The following ACVR2A variants were observed in gnomAD, a reference collection of about 807,000 sequenced individuals.
ACVR2A encodes the protein activin A receptor type 2A.
A neutral mutation model predicts 61.4 loss-of-function variants in ACVR2A; 7 were observed. That is an observed-to-expected ratio of 0.11 (90% CI 0.06 to 0.21). ACVR2A has a LOEUF of 0.21. Ranked by LOEUF, ACVR2A falls within the 10% of genes least tolerant of loss-of-function variation. The probability of loss-of-function intolerance (pLI) is 1.00; values close to 1 mark genes in which losing one functional copy is unlikely to be tolerated. For synonymous variants in ACVR2A, 193 were observed against 208.3 expected (o/e 0.93, Z 0.63); for missense variants, 322 against 621.7 (o/e 0.52, Z 5.13).
upstream of ACVR2A, chr2:147,844,875 G>GT (rs1685258596): frequency 2.7e-6 from 1 of 374,566 alleles, no homozygotes; most frequent in African/African-American, 2.1e-5. Context: ...CGCTTTTGTT[G>GT]TTGTTGGCTT....
intron 1 of ACVR2A, among the ~76,000 whole-genome samples, chr2:147,861,832 C>G (rs1685733655): frequency 6.6e-6 from 1 of 152,090 alleles, no homozygotes; most frequent in Admixed American, 6.6e-5. Context: ...AGGGGAATAA[C>G]TGAAATTTCT....
In ACVR2A at chr2:147,896,417, C is replaced by T; in HGVS notation, c.172C>T (p.Arg58Trp). 2 of 1,613,922 alleles carry T rather than the reference C, an allele frequency of 1.2e-6. No homozygotes were observed. Among genetic ancestry groups the T allele is most frequent in the South Asian group, 1.1e-5 (1 of 91,076 alleles). ...GTGTTATGGTGACAAAGATAAACGG[C>T]GGCATTGTTTTGCTACCTGGAAGAA... Reference protein sequence around the residue: ...EPCYGDKDKRRHCFATWKNIS... With the variant: ...EPCYGDKDKRWHCFATWKNIS... The change falls in exon 2 of 11, where the codon CGG becomes TGG. Residue 58 changes from arginine (R) to tryptophan (W), a missense_variant. Physicochemically the swap from Arg to Trp is moderately radical, Grantham distance 101. Around this residue, in one of 3 missense-constraint regions of ACVR2A, gnomAD observed 142 missense variants for 200.3 expected, o/e 0.71. Coordinates refer to ENST00000241416, the MANE Select transcript of ACVR2A (RefSeq NM_001616.5).
intron 1 of ACVR2A, among the ~76,000 whole-genome samples, chr2:147,869,038 T>A (rs1444775239): frequency 2.0e-5 from 3 of 152,216 alleles, no homozygotes; most frequent in Non-Finnish European, 1.5e-5. Flanking sequence ...GTATAAGTAC[T>A]TTCTGTCACT....
chr2:147,896,456 A>G lies in ACVR2A; in HGVS notation c.211A>G (p.Ile71Val), dbSNP rs1426593767. The change falls in exon 2 of 11, where the codon ATT (isoleucine) becomes GTT (valine). Residue 71 changes from isoleucine to valine, a missense_variant. Coordinates refer to ENST00000241416, the MANE Select transcript of ACVR2A (RefSeq NM_001616.5). ...TACCTGGAAGAATATTTCTGGTTCC[A>G]TTGAAATAGTGAAACAAGGTTGTTG... is the stretch of plus-strand genomic sequence containing the variant. ...FATWKNISGS[I>V]EIVKQGCWLD... 1 of 1,613,874 alleles carries G rather than the reference A, an allele frequency of 6.2e-7. No homozygotes were observed. Among genetic ancestry groups the G allele is most frequent in the Non-Finnish European group, 8.5e-7 (1 of 1,179,942 alleles).
At chr2:147,893,554 T>A (rs1686643699) in intron 1 of ACVR2A, among the ~76,000 whole-genome samples, 1 of 152,214 alleles carries the variant, frequency 6.6e-6, no homozygotes, top group East Asian at 1.9e-4. Context: ...TCCGTTTGTG[T>A]TTTTGTTTTG....
intron 1 of ACVR2A, among the ~76,000 whole-genome samples, chr2:147,891,160 C>T (rs1280377456): frequency 6.6e-6 from 1 of 152,102 alleles, no homozygotes; most frequent in East Asian, 1.9e-4. Flanking sequence ...GTATAGTGCC[C>T]TAGGCAGCCA....
intron 1 of ACVR2A, among the ~76,000 whole-genome samples, chr2:147,845,536 A>T (rs1042964128): frequency 5.9e-5 from 9 of 152,194 alleles, no homozygotes; most frequent in African/African-American, 2.2e-4. Flanking sequence ...CAAATACCAC[A>T]AGTGACAATT....
At chr2:147,910,294 G>A (rs1687083605) in intron 4 of ACVR2A, among the ~76,000 whole-genome samples, 1 of 151,986 alleles carries the variant, frequency 6.6e-6, no homozygotes, top group Non-Finnish European at 1.5e-5. Context: ...CTAGTATAGT[G>A]TCATCTTTAT....
At chr2:147,901,287 A>C (rs1686866739) in intron 4 of ACVR2A, among the ~76,000 whole-genome samples, 1 of 152,000 alleles carries the variant, frequency 6.6e-6, no homozygotes, top group Non-Finnish European at 1.5e-5. Flanking sequence ...AGTTTACCAG[A>C]TCTGTGATAT....
intron 1 of ACVR2A, among the ~76,000 whole-genome samples, chr2:147,853,276 C>G (rs953183000): frequency 1.3e-5 from 2 of 152,052 alleles, no homozygotes; most frequent in African/African-American, 2.4e-5. Flanking sequence ...AAGAGGCAGA[C>G]ACTGTATGAT....
chr2:147,845,351 C>CCCCCA (rs1186543486), intron 1 of ACVR2A, 144 bp downstream of exon 1: 4 of 413,294 alleles, frequency 9.7e-6, no homozygotes, highest in Non-Finnish European at 1.6e-5. Context: ...TGCCACCGCC[C>CCCCCA]CCCCCCCCCG....
chr2:147,862,901 A>G (rs748802980), intron 1 of ACVR2A, among the ~76,000 whole-genome samples: 1 of 152,190 alleles, frequency 6.6e-6, no homozygotes, highest in Non-Finnish European at 1.5e-5. Context: ...TAACAATAGT[A>G]TTGCTAATGA....
At chr2:147,869,059 A>G (rs1000143568) in intron 1 of ACVR2A, among the ~76,000 whole-genome samples, 3 of 152,052 alleles carry the variant, frequency 2.0e-5, no homozygotes, top group African/African-American at 7.2e-5. Context: ...GTTCTTTCAT[A>G]TCTTTAAAAG....
intron 1 of ACVR2A, among the ~76,000 whole-genome samples, chr2:147,860,027 A>C (rs1402900423): frequency 1.3e-5 from 2 of 152,194 alleles, no homozygotes; most frequent in South Asian, 4.1e-4. Flanking sequence ...GAGACAAAGC[A>C]TTGGCTTTAG....
chr2:147,919,742 C>A (rs947794793), intron 7 of ACVR2A, among the ~76,000 whole-genome samples: 3 of 152,104 alleles, frequency 2.0e-5, no homozygotes, highest in Non-Finnish European at 2.9e-5. Flanking sequence ...CCATAAGATG[C>A]TTTTCTACAA....
chr2:147,914,086 C>T (rs577650587), intron 4 of ACVR2A, among the ~76,000 whole-genome samples: 24 of 151,974 alleles, frequency 1.6e-4, no homozygotes, highest in Admixed American at 1.4e-3. Flanking sequence ...CACTAACTGT[C>T]TTTGAGGCAT....
chr2:147,901,092 T>C (rs1003898521), intron 4 of ACVR2A, among the ~76,000 whole-genome samples: 3 of 152,070 alleles, frequency 2.0e-5, no homozygotes, highest in African/African-American at 7.2e-5. Flanking sequence ...GTAGCTAAGT[T>C]TGTGTTCATT....
chr2:147,887,065 A>G (rs932560274), intron 1 of ACVR2A, among the ~76,000 whole-genome samples: 1 of 152,072 alleles, frequency 6.6e-6, no homozygotes, highest in Non-Finnish European at 1.5e-5. Flanking sequence ...AAAAATAACT[A>G]GCAGTATGTG....
In ACVR2A at chr2:147,917,276, A is replaced by G; in HGVS notation, c.673-7A>G. ...GTGTTCTTACTATTCTTTCTTTTTG[A>G]CTCTAGGACAAACAGTCATGGCAAA... On this transcript the variant is annotated splice_polypyrimidine_tract_variant and splice_region_variant and intron_variant, in intron 5 of 10. Coordinates refer to ENST00000241416, the MANE Select transcript of ACVR2A (RefSeq NM_001616.5). The G allele has an allele frequency of 6.2e-7, 1 of 1,608,762 alleles. No homozygotes were observed. Among genetic ancestry groups the G allele is most frequent in the Non-Finnish European group, 8.5e-7 (1 of 1,177,316 alleles).
Sources: allele counts gnomAD v4.1 joint callset (sites outside exome capture counted in the v4.1 genomes callset), GRCh38; gene constraint gnomAD v4.1.1; regional missense constraint gnomAD v4.1.1; transcripts MANE v1.5; gene names NCBI Gene and HGNC (gene_info 2026-07-23, HGNC 2026-07-21).